The following C5orf22 variants were observed in gnomAD, a reference collection of about 807,000 sequenced individuals.
C5orf22 encodes the protein chromosome 5 open reading frame 22, also known as UPF0489 protein C5orf22.
Under a neutral mutation model 48.7 loss-of-function variants are expected in C5orf22, and 36 were observed. The ratio of observed to expected loss-of-function variants is 0.74; its 90% CI spans 0.57 to 0.98. The LOEUF (loss-of-function observed/expected upper bound fraction) is 0.98, where lower values mean the gene tolerates loss of function less well. Ranked by LOEUF, C5orf22 falls within the 50% of genes least tolerant of loss-of-function variation. The pLI is 0.00. For missense variants in C5orf22, 486 were observed against 521.9 expected, an observed-to-expected ratio of 0.93 and a Z score of 0.67; for synonymous variants, 141 against 180.8, an observed-to-expected ratio of 0.78 and a Z score of 1.76.
In C5orf22 at chr5:31,533,279, T is replaced by A. The variant is rs971408302; in HGVS notation, c.81+806T>A. Among the ~76,000 whole-genome samples the A allele has an allele frequency of 2.7e-3, 386 of 142,920 alleles. 3 individuals carry two copies. The highest frequency in any genetic ancestry group is 9.1e-3 in the African/African-American group (360 of 39,544). The allele number at this position is 142,920 out of a possible 152,430, so 93.8% of individuals were successfully genotyped here. A position where few individuals can be genotyped will look rare whatever the true frequency, so the allele number is the denominator to read the frequency against. On this transcript the variant is annotated intron_variant, in intron 1 of 8. Transcript: ENST00000325366. ...CATATTGCGTAAAAAAAAAAAAAAA[T>A]TTAACACGGTGCCCTGCATAGATAA...
rs200143983 is a variant in C5orf22 at position 31,545,687 on chromosome 5, G to A, written c.1034G>A (p.Arg345Gln). 268 of 1,608,686 alleles carry A rather than the reference G, an allele frequency of 1.7e-4. 1 individual carries two copies. The highest frequency in any genetic ancestry group is 2.2e-4 in the Non-Finnish European group (261 of 1,176,498). ...CCCCTTGTACAGAGTTTGAAAAAAC[G>A]GATGGAAGTACCAGACTATGAAATG... ...LVPLVQSLKK[R>Q]MEVPDYEMVH... The change falls in exon 7 of 9, where the codon CGG becomes CAG. Residue 345 changes from arginine (R) to glutamine (Q), a missense_variant. Around this residue, in one of 3 missense-constraint regions of C5orf22, gnomAD observed 408 missense variants for 444.0 expected, o/e 0.92. Coordinates refer to ENST00000325366, the MANE Select transcript of C5orf22 (RefSeq NM_018356.3).
chr5:31,547,035 TA>T (rs1198538261), intron 7 of C5orf22, among the ~76,000 whole-genome samples: 3 of 152,210 alleles, frequency 2.0e-5, no homozygotes, highest in African/African-American at 7.2e-5. Flanking sequence ...TATGAGCCTG[TA>T]AAATCAAAAG....
rs147350132 is a variant in C5orf22, at chr5:31,532,391, A to G, written c.-2A>G. 1.3e-4 allele frequency: 213 copies of G among 1,613,988 alleles called. No individual in the cohort carries two copies. In the African/African-American group the frequency reaches 2.4e-3, roughly 18 times the overall value. ...TACTGCAAAACTGACGGGCGCAAAA[A>G]CATGAGTGACTCCGCGGGAGGGCGC... On this transcript the variant is annotated 5_prime_UTR_variant, in exon 1 of 9. Transcript: ENST00000325366.
intron 3 of C5orf22, 67 bp downstream of exon 3, chr5:31,535,960 A>C: frequency 6.8e-7 from 1 of 1,477,242 alleles, no homozygotes; most frequent in Non-Finnish European, 9.4e-7. Context: ...GATTCCTATA[A>C]TAACTTCATA....
rs1173585950 is a variant in C5orf22 at position 31,553,039 on chromosome 5, C to T, written c.*137C>T. ...GAAATCTTTCAGATATTTTGAATCTCTGAACAACCATTGTCAGTTGTGAAT... is the reference window on the plus strand; with the variant it reads ...GAAATCTTTCAGATATTTTGAATCTTTGAACAACCATTGTCAGTTGTGAAT... On this transcript the variant is annotated 3_prime_UTR_variant, in exon 9 of 9. Coordinates refer to ENST00000325366, the MANE Select transcript of C5orf22 (RefSeq NM_018356.3). 4.8e-6 allele frequency: 4 copies of T among 825,862 alleles called. No homozygotes were observed. The highest frequency in any genetic ancestry group is 7.1e-6 in the Non-Finnish European group (4 of 562,116). 51.2% of individuals were successfully genotyped at this position (825,862 alleles called of 1,614,324 possible). A position where few individuals can be genotyped will look rare whatever the true frequency, so the allele number is the denominator to read the frequency against.
At chr5:31,533,739 T>C (rs1012030208) in intron 1 of C5orf22, among the ~76,000 whole-genome samples, 13 of 151,844 alleles carry the variant, frequency 8.6e-5, no homozygotes, top group Middle Eastern at 3.4e-3. Context: ...TCTACAAAAA[T>C]AGAAGTGAAA....
At position 31,553,148 on chromosome 5, in the gene C5orf22, G is replaced by GT; in HGVS notation, c.*250dup. 3.4e-6 allele frequency: 1 copy of GT among 289,956 alleles called. No homozygotes were observed. Among genetic ancestry groups the GT allele is most frequent in the Non-Finnish European group, 6.4e-6 (1 of 156,282 alleles). The allele number at this position is 289,956 out of a possible 1,614,324, so 18.0% of individuals were successfully genotyped here. The stretch of plus-strand genomic sequence containing the variant: ...CTGTCTTCCTTAAGTATTTTTTAGG[G>GT]TTTTGTTTTTTTTTTTGTTTGTTTG... On this transcript the variant is annotated 3_prime_UTR_variant, in exon 9 of 9. Transcript: ENST00000325366.
At chr5:31,549,806 G>A (rs1009392366) in intron 7 of C5orf22, among the ~76,000 whole-genome samples, 1 of 151,984 alleles carries the variant, frequency 6.6e-6, no homozygotes, top group East Asian at 1.9e-4. Context: ...AGCCTGGGTG[G>A]TTACAATGAG....
intron 2 of C5orf22, chr5:31,535,057 T>A (rs1347643595): frequency 4.4e-6 from 2 of 451,052 alleles, no homozygotes; most frequent in Non-Finnish European, 8.9e-6. Context: ...CACAGGCATG[T>A]AATTGGAAAA....
Position 31,538,464 on chromosome 5 carries a change from C to T in C5orf22, c.582C>T (p.Asn194=), listed in dbSNP as rs1453023149. Residue 194 remains asparagine (N), a synonymous_variant, in exon 4 of 9, where the codon AAC becomes AAT. Coordinates refer to ENST00000325366, the MANE Select transcript of C5orf22 (RefSeq NM_018356.3). ...ATTCGGAAAACACTGCCTCTACTAA[C>T]TGTGACTCTTCTTCAGAAGGACTGG... The part of the protein sequence containing the change: ...LEDSENTAST[N]CDSSSEGLEK... 1 of 1,614,208 alleles carries T rather than the reference C, an allele frequency of 6.2e-7. No homozygotes were observed. The highest frequency in any genetic ancestry group is 8.5e-7 in the Non-Finnish European group (1 of 1,180,034).
In C5orf22 at chr5:31,538,544, C is replaced by G; in HGVS notation, c.662C>G (p.Ser221Ter). 1 of 1,614,086 alleles carries G rather than the reference C, an allele frequency of 6.2e-7. No homozygotes were observed. Among genetic ancestry groups the G allele is most frequent in the Non-Finnish European group, 8.5e-7 (1 of 1,180,004 alleles). ...CAGACTTGCCTAGAACCATCATGTT[C>G]ATGTTCTTCTGAAAATCAGGAATGC... ...SDQTCLEPSC[S>*]CSSENQECQT... The change falls in exon 4 of 9, where the codon TCA (serine) becomes TGA (stop). Residue 221 changes from serine to a stop codon, truncating the protein, a stop_gained. Coordinates refer to ENST00000325366, the MANE Select transcript of C5orf22 (RefSeq NM_018356.3). LOFTEE classifies it high-confidence loss of function.
At chr5:31,543,420 A>T (rs1232386738) in intron 6 of C5orf22, among the ~76,000 whole-genome samples, 1 of 152,100 alleles carries the variant, frequency 6.6e-6, no homozygotes, top group Non-Finnish European at 1.5e-5. Context: ...AATACAAAAA[A>T]TTAGCCAGGC....
intron 6 of C5orf22, among the ~76,000 whole-genome samples, chr5:31,544,584 C>CAAA (rs1195756867): frequency 8.4e-6 from 1 of 119,702 alleles, no homozygotes; most frequent in African/African-American, 3.1e-5. Flanking sequence ...ACTCTTGTCT[C>CAAA]AAAAAAAAAA....
At chr5:31,533,425 A>G (rs766149697) in intron 1 of C5orf22, among the ~76,000 whole-genome samples, 2 of 152,178 alleles carry the variant, frequency 1.3e-5, no homozygotes, top group African/African-American at 2.4e-5. Context: ...TATGTTTTAA[A>G]GTAGCATCAG....
intron 1 of C5orf22, 61 bp from the exon 2 acceptor site, chr5:31,534,211 A>G: frequency 7.3e-7 from 1 of 1,366,668 alleles, no homozygotes; most frequent in Non-Finnish European, 1.0e-6. Flanking sequence ...TTCAGTCTGC[A>G]GTTGAGTGTG....
At chr5:31,537,677 G>A (rs1342848432) in intron 3 of C5orf22, among the ~76,000 whole-genome samples, 6 of 152,170 alleles carry the variant, frequency 3.9e-5, no homozygotes, top group Non-Finnish European at 8.8e-5. Context: ...GTCAGGGGGA[G>A]TTTCTATTAA....
Position 31,553,153 on chromosome 5 carries a change from G to GT in C5orf22, c.*262dup, listed in dbSNP as rs558847315. The GT allele has an allele frequency of 0.026, 6,948 of 262,330 alleles. 37 individuals are homozygous for GT. Among genetic ancestry groups the GT allele is most frequent in the Non-Finnish European group, 0.033 (4,514 of 138,862 alleles). The allele number at this position is 262,330 out of a possible 1,614,324, so 16.3% of individuals were successfully genotyped here. ...TTCCTTAAGTATTTTTTAGGGTTTT[G>GT]TTTTTTTTTTTGTTTGTTTGTTTGT... is the stretch of plus-strand genomic sequence containing the variant. On this transcript the variant is annotated 3_prime_UTR_variant, in exon 9 of 9. Coordinates refer to ENST00000325366, the MANE Select transcript of C5orf22 (RefSeq NM_018356.3).
chr5:31,546,184 T>G (rs7717331), intron 7 of C5orf22, among the ~76,000 whole-genome samples: 121,688 of 152,192 alleles, frequency 0.8, 48,882 homozygotes, highest in African/African-American at 0.85. Context: ...TGTCAACAGG[T>G]ATCTGAATGC....
At chr5:31,534,740 G>A (rs904883411) in intron 2 of C5orf22, 2 of 324,562 alleles carry the variant, frequency 6.2e-6, no homozygotes, top group Admixed American at 4.7e-5. Flanking sequence ...AGCTGGGCAT[G>A]GTGGATGAGC....
Sources: gnomAD v4.1 joint callset for allele counts (sites outside exome capture counted in the v4.1 genomes callset) on GRCh38, gnomAD v4.1.1 for gene constraint, gnomAD v4.1.1 regional missense constraint, MANE v1.5 for transcripts, NCBI Gene and HGNC (gene_info 2026-07-23, HGNC 2026-07-21) for gene names.